CNTN5: variants seen among roughly 807,000 people sequenced by gnomAD.
CNTN5 encodes contactin 5.
Under a neutral mutation model 129.1 loss-of-function variants are expected in CNTN5, and 77 were observed. The observed-to-expected ratio is 0.60, with a 90% CI of 0.50 to 0.72. The LOEUF is 0.72. Ranked by LOEUF, CNTN5 falls within the 30% of genes least tolerant of loss-of-function variation. The pLI is 0.00. For synonymous variants in CNTN5, 509 were observed against 465.6 expected (o/e 1.09, Z -1.20); for missense variants, 1,478 against 1,328.8 (o/e 1.11, Z -1.75).
chr11:99,792,573 G>GTGTGTGCGTCTGTC (rs34622017), intron 3 of CNTN5, among the ~76,000 whole-genome samples: 1 of 116,614 alleles, frequency 8.6e-6, no homozygotes, highest in African/African-American at 3.7e-5. Flanking sequence ...GTGTGTGTGT[G>GTGTGTGCGTCTGTC]TGTCTGTCTG....
chr11:99,530,769 C>T (rs1051447584), intron 2 of CNTN5, among the ~76,000 whole-genome samples: 2 of 152,116 alleles, frequency 1.3e-5, no homozygotes, highest in Non-Finnish European at 2.9e-5. Flanking sequence ...CAGGTGTTTC[C>T]GCTTCTGTTT....
chr11:99,097,729 T>C (rs1354483489), intron 1 of CNTN5, among the ~76,000 whole-genome samples: 1 of 151,916 alleles, frequency 6.6e-6, no homozygotes, highest in African/African-American at 2.4e-5. Flanking sequence ...AGAACCATAT[T>C]TGCTTTATTT....
At chr11:100,206,331 CTTATAG>C (rs1237126401) in intron 15 of CNTN5, among the ~76,000 whole-genome samples, 3 of 152,002 alleles carry the variant, frequency 2.0e-5, no homozygotes, top group Non-Finnish European at 4.4e-5. Context: ...AAATAATGAT[CTTATAG>C]TTAAACTTCA....
chr11:99,995,666 G>A (rs1939394967), intron 8 of CNTN5, among the ~76,000 whole-genome samples: 1 of 152,014 alleles, frequency 6.6e-6, no homozygotes, highest in Non-Finnish European at 1.5e-5. Flanking sequence ...ATGCTCATAT[G>A]GCCACAAACA....
At chr11:99,271,295 G>A (rs73536803) in intron 1 of CNTN5, among the ~76,000 whole-genome samples, 2,616 of 151,750 alleles carry the variant, frequency 0.017, 86 homozygotes, top group African/African-American at 0.06. Flanking sequence ...AAACACGCAC[G>A]GTAATTAAAA....
At chr11:99,239,882 A>G (rs1268394006) in intron 1 of CNTN5, among the ~76,000 whole-genome samples, 2 of 149,808 alleles carry the variant, frequency 1.3e-5, no homozygotes, top group Non-Finnish European at 3.0e-5. Flanking sequence ...GCTTGCAGTG[A>G]GCCGAGATAG....
At chr11:99,424,058 T>A (rs2135068194) in intron 2 of CNTN5, among the ~76,000 whole-genome samples, 1 of 152,244 alleles carries the variant, frequency 6.6e-6, no homozygotes, top group South Asian at 2.1e-4. Flanking sequence ...AGTACTGTGT[T>A]TTTTCCTATA....
chr11:99,341,418 A>G (rs979367127), intron 2 of CNTN5, among the ~76,000 whole-genome samples: 1 of 152,292 alleles, frequency 6.6e-6, no homozygotes, highest in Non-Finnish European at 1.5e-5. Context: ...TTGAAGCATT[A>G]AAACTTAGAG....
intron 3 of CNTN5, among the ~76,000 whole-genome samples, chr11:99,706,739 T>C (rs1368027642): frequency 6.6e-6 from 1 of 151,416 alleles, no homozygotes; most frequent in African/African-American, 2.4e-5. Context: ...TTTTCTTGCC[T>C]GTGGAAGACT....
chr11:99,950,270 A>G lies in CNTN5; in HGVS notation c.674-6536A>G, dbSNP rs536001044. On this transcript the variant is annotated intron_variant, in intron 7 of 24. Coordinates refer to ENST00000524871, the MANE Select transcript of CNTN5 (RefSeq NM_014361.4). ...GAGGCGGGTGGATCACGAGGTCAGG[A>G]GATCGAGACCATCCTGGCTAACACA... Among the ~76,000 whole-genome samples, 34 of 152,234 alleles carry G rather than the reference A, an allele frequency of 2.2e-4. No individual in the cohort carries two copies. In the South Asian group the frequency reaches 6.6e-3, roughly 30 times the overall value.
rs563381018 is a variant in CNTN5 at position 99,494,380 on chromosome 11, G to A, written c.-70-61765G>A. Among the ~76,000 whole-genome samples, 7 of 152,230 alleles carry A rather than the reference G, an allele frequency of 4.6e-5. 1 individual carries two copies. Among genetic ancestry groups the A allele is most frequent in the African/African-American group, 1.7e-4 (7 of 41,536 alleles). On this transcript the variant is annotated intron_variant, in intron 2 of 24. Coordinates refer to ENST00000524871, the MANE Select transcript of CNTN5 (RefSeq NM_014361.4). ...ATTTAATCCTAAAATATATCCATTT[G>A]TCTAACATATTTAATAGCAAGGCTA...
intron 3 of CNTN5, among the ~76,000 whole-genome samples, chr11:99,704,310 A>G (rs1247620715): frequency 3.3e-5 from 5 of 151,022 alleles, no homozygotes; most frequent in African/African-American, 1.2e-4. Context: ...AAATGATTAC[A>G]AAATTGATAT....
chr11:99,313,812 A>T (rs1351080013), intron 1 of CNTN5, among the ~76,000 whole-genome samples: 1 of 152,078 alleles, frequency 6.6e-6, no homozygotes, highest in East Asian at 1.9e-4. Context: ...TGCAGCTGCA[A>T]TAGTATATAT....
At chr11:100,076,826 G>A (rs1379898691) in intron 13 of CNTN5, among the ~76,000 whole-genome samples, 1 of 151,964 alleles carries the variant, frequency 6.6e-6, no homozygotes, top group Non-Finnish European at 1.5e-5. Context: ...ATATTGACAG[G>A]CACACTTACA....
intron 1 of CNTN5, among the ~76,000 whole-genome samples, chr11:99,194,996 G>A (rs1858829894): frequency 6.6e-6 from 1 of 152,060 alleles, no homozygotes; most frequent in South Asian, 2.1e-4. Flanking sequence ...AGAATTTACA[G>A]CCCCCAATGA....
chr11:99,845,778 T>G (rs1947673676), intron 6 of CNTN5, among the ~76,000 whole-genome samples: 1 of 151,686 alleles, frequency 6.6e-6, no homozygotes, highest in African/African-American at 2.4e-5. Context: ...AGATAAAGTT[T>G]TAGAATTCAT....
intron 17 of CNTN5, among the ~76,000 whole-genome samples, chr11:100,263,569 T>C (rs1388971700): frequency 6.6e-6 from 1 of 152,170 alleles, no homozygotes; most frequent in African/African-American, 2.4e-5. Context: ...ATTGCTCATA[T>C]CAGCCTCATT....
chr11:100,067,848 G>T (rs1269231052), intron 10 of CNTN5, among the ~76,000 whole-genome samples: 2 of 151,584 alleles, frequency 1.3e-5, no homozygotes, highest in Admixed American at 6.6e-5. Flanking sequence ...AAAATCTAAA[G>T]AAAGGAAGGA....
chr11:100,126,347 G>A (rs1194425186), intron 13 of CNTN5, among the ~76,000 whole-genome samples: 1 of 152,068 alleles, frequency 6.6e-6, no homozygotes, highest in Non-Finnish European at 1.5e-5. Flanking sequence ...GAATTCACTT[G>A]TTAATTTTGT....
Sources: allele counts gnomAD v4.1 joint callset (sites outside exome capture counted in the v4.1 genomes callset), GRCh38; gene constraint gnomAD v4.1.1; transcripts MANE v1.5; gene names NCBI Gene and HGNC (gene_info 2026-07-23, HGNC 2026-07-21).